The following ITPR1 variants were observed in gnomAD, a reference collection of about 807,000 sequenced individuals.
ITPR1 encodes the protein inositol 1,4,5-trisphosphate receptor type 1.
A neutral mutation model predicts 318.4 loss-of-function variants in ITPR1; 96 were observed. That is an observed-to-expected ratio of 0.30 (90% CI 0.26 to 0.36). The LOEUF (loss-of-function observed/expected upper bound fraction) is 0.36. ITPR1 is among the 10% of genes least tolerant of loss of function. ITPR1 has a pLI of 1.00. For missense variants in ITPR1, 2,440 were observed against 3,460.2 expected (o/e 0.71, Z 7.40); for synonymous variants, 1,312 against 1,289.9 (o/e 1.02, Z -0.37).
intron 44 of ITPR1, among the ~76,000 whole-genome samples, chr3:4,764,618 T>C (rs2045686965): frequency 6.6e-6 from 1 of 152,150 alleles, no homozygotes; most frequent in Non-Finnish European, 1.5e-5. Flanking sequence ...GGAGCTGCTG[T>C]AGGGGCAGCC....
intron 42 of ITPR1, among the ~76,000 whole-genome samples, chr3:4,729,214 G>T (rs2042733742): frequency 6.6e-6 from 1 of 152,132 alleles, no homozygotes; most frequent in African/African-American, 2.4e-5. Context: ...GTGATTTTGA[G>T]CAAGTTAACC....
At chr3:4,567,250 C>A (rs2087399013) in intron 4 of ITPR1, among the ~76,000 whole-genome samples, 1 of 152,100 alleles carries the variant, frequency 6.6e-6, no homozygotes, top group African/African-American at 2.4e-5. Flanking sequence ...TTTGTTGTCA[C>A]TATTTTTCTT....
intron 40 of ITPR1, among the ~76,000 whole-genome samples, chr3:4,722,276 A>G (rs2042218301): frequency 6.6e-6 from 1 of 152,212 alleles, no homozygotes; most frequent in African/African-American, 2.4e-5. Flanking sequence ...TTCTCAGTTC[A>G]AAACCAGAGC....
chr3:4,717,493 C>T (rs1240065667), intron 40 of ITPR1, 94 bp downstream of exon 40: 1 of 1,003,100 alleles, frequency 1.0e-6, no homozygotes, highest in Non-Finnish European at 1.6e-6. Context: ...TCTAGTCTCA[C>T]AGCGTCGAGT....
chr3:4,700,602 C>T (rs771855822), intron 35 of ITPR1, among the ~76,000 whole-genome samples: 2 of 151,962 alleles, frequency 1.3e-5, no homozygotes, highest in South Asian at 2.1e-4. Flanking sequence ...AGGCAGGATG[C>T]GATTTGGGAC....
chr3:4,831,573 T>TAC (rs374509872), intron 60 of ITPR1, among the ~76,000 whole-genome samples: 3 of 150,724 alleles, frequency 2.0e-5, no homozygotes, highest in Non-Finnish European at 3.0e-5. Flanking sequence ...CAACCGCATA[T>TAC]ACACACACAC....
chr3:4,804,912 A>C (rs1170035183), intron 54 of ITPR1, among the ~76,000 whole-genome samples: 1 of 152,042 alleles, frequency 6.6e-6, no homozygotes, highest in East Asian at 1.9e-4. Context: ...TGGCCAAGGG[A>C]GCTAGAGTAG....
chr3:4,715,689 C>T (rs1483755711), intron 39 of ITPR1, among the ~76,000 whole-genome samples: 1 of 152,148 alleles, frequency 6.6e-6, no homozygotes, highest in Non-Finnish European at 1.5e-5. Context: ...CCCGTCTCTA[C>T]TAAAAATACA....
intron 60 of ITPR1, among the ~76,000 whole-genome samples, chr3:4,831,563 C>G (rs2106533223): frequency 6.6e-6 from 1 of 152,286 alleles, no homozygotes; most frequent in Admixed American, 6.5e-5. Context: ...CTTCCCCTCC[C>G]AACCGCATAT....
chr3:4,503,547 G>T (rs192791788), intron 2 of ITPR1, among the ~76,000 whole-genome samples: 12 of 152,312 alleles, frequency 7.9e-5, no homozygotes, highest in Admixed American at 4.6e-4. Context: ...GACAGGGAGA[G>T]TGATTTGTGT....
chr3:4,680,220 G>T (rs768923036), intron 24 of ITPR1, among the ~76,000 whole-genome samples: 3 of 152,138 alleles, frequency 2.0e-5, no homozygotes, highest in Non-Finnish European at 4.4e-5. Flanking sequence ...GCCCAGAGTT[G>T]ACATTCAATA....
At chr3:4,616,001 G>A (rs1019700193) in intron 4 of ITPR1, among the ~76,000 whole-genome samples, 2 of 152,202 alleles carry the variant, frequency 1.3e-5, no homozygotes, top group Non-Finnish European at 2.9e-5. Context: ...GATGGGTAAT[G>A]GGAGGGTTTT....
chr3:4,567,687 C>T (rs1286625352), intron 4 of ITPR1, among the ~76,000 whole-genome samples: 11 of 152,060 alleles, frequency 7.2e-5, no homozygotes, highest in Non-Finnish European at 1.3e-4. Flanking sequence ...TCACTGCAAC[C>T]TCCTCCTGGG....
intron 58 of ITPR1, 65 bp downstream of exon 58, chr3:4,814,627 T>G: frequency 7.1e-7 from 1 of 1,405,560 alleles, no homozygotes; most frequent in South Asian, 1.2e-5. Context: ...GGGAGCACCA[T>G]GCAGCGGTGT....
chr3:4,579,807 C>T (rs2089104304), intron 4 of ITPR1, among the ~76,000 whole-genome samples: 1 of 152,114 alleles, frequency 6.6e-6, no homozygotes, highest in South Asian at 2.1e-4. Flanking sequence ...GACTGTTCTC[C>T]TTCATTGCAT....
chr3:4,714,739 T>G (rs966688870), intron 39 of ITPR1, among the ~76,000 whole-genome samples: 2 of 152,214 alleles, frequency 1.3e-5, no homozygotes, highest in Non-Finnish European at 2.9e-5. Context: ...TCATTCAACT[T>G]TAGTACTTAG....
chr3:4,722,020 T>A (rs1028303650), intron 40 of ITPR1, among the ~76,000 whole-genome samples: 1 of 152,172 alleles, frequency 6.6e-6, no homozygotes, highest in African/African-American at 2.4e-5. Flanking sequence ...AGTGAGTAGA[T>A]CAGTGTCGCA....
In ITPR1 at chr3:4,670,743, G is replaced by C. The variant is rs754506271; in HGVS notation, c.2021G>C (p.Arg674Pro). Reference protein sequence around the residue: ...ILIETKLVLSRFEFEGVSSTG... With the variant: ...ILIETKLVLSPFEFEGVSSTG... ...TTGTTTTCTAGGTTGGTTCTTTCTC[G>C]TTTTGAATTTGAAGGTGTCTCTTCC... Residue 674 changes from arginine to proline, a missense_variant, in exon 20 of 62, where the codon CGT becomes CCT. By Grantham distance (103) the Arg-to-Pro change is moderately radical (BLOSUM62 -2). Coordinates refer to ENST00000649015, the MANE Select transcript of ITPR1 (RefSeq NM_001378452.1). The C allele has an allele frequency of 2.5e-6, 4 of 1,591,656 alleles. No individual in the cohort carries two copies. Among genetic ancestry groups the C allele is most frequent in the Non-Finnish European group, 2.6e-6 (3 of 1,167,980 alleles).
chr3:4,563,176 G>A (rs2086855422), intron 4 of ITPR1, among the ~76,000 whole-genome samples: 1 of 152,160 alleles, frequency 6.6e-6, no homozygotes, highest in Non-Finnish European at 1.5e-5. Flanking sequence ...CTATTGGTGT[G>A]TCTTGGCCCA....
Sources: allele counts gnomAD v4.1 joint callset (sites outside exome capture counted in the v4.1 genomes callset), GRCh38; gene constraint gnomAD v4.1.1; transcripts MANE v1.5; gene names NCBI Gene and HGNC (gene_info 2026-07-23, HGNC 2026-07-21).